The following CAMTA1 variants were observed in gnomAD, a reference collection of about 807,000 sequenced individuals.
The protein encoded by CAMTA1 is calmodulin binding transcription activator 1, also known as calmodulin-binding transcription activator 1.
A neutral mutation model predicts 170.9 loss-of-function variants in CAMTA1; 27 were observed. The observed-to-expected ratio is 0.16, with a 90% CI of 0.12 to 0.22. CAMTA1 has a LOEUF of 0.22. Ranked by LOEUF, CAMTA1 falls within the 10% of genes least tolerant of loss-of-function variation. The pLI, the probability that CAMTA1 is intolerant of heterozygous loss-of-function variation, is 1.00. For missense variants in CAMTA1, 1,619 were observed against 2,217.2 expected, an observed-to-expected ratio of 0.73 and a Z score of 5.42; for synonymous variants, 833 against 891.5, an observed-to-expected ratio of 0.93 and a Z score of 1.17.
At position 7,456,282 on chromosome 1, in the gene CAMTA1, A is replaced by C; in HGVS notation, c.439-11548A>C. ...GAAGGGGGGCAGGGAGGCAAGAAGA[A>C]TGGGAGGGAGGAAGGACAGGGAGCG... On this transcript the variant is annotated intron_variant, in intron 5 of 22. Coordinates refer to ENST00000303635, the MANE Select transcript of CAMTA1 (RefSeq NM_015215.4). This position sits in a 1 kb window ranked among gnomAD's most constrained non-coding sequence, Gnocchi z 4.9. Among the ~76,000 whole-genome samples, 1 of 147,490 alleles carries C rather than the reference A, an allele frequency of 6.8e-6. No homozygotes were observed. The highest frequency in any genetic ancestry group is 2.5e-5 in the African/African-American group (1 of 40,436).
At chr1:7,282,737 G>T (rs184921979) in intron 5 of CAMTA1, among the ~76,000 whole-genome samples, 3 of 152,288 alleles carry the variant, frequency 2.0e-5, no homozygotes, top group Admixed American at 2.0e-4. Flanking sequence ...AATAGATTGG[G>T]CAGGGGGTGG....
intron 4 of CAMTA1, among the ~76,000 whole-genome samples, chr1:7,131,358 T>C (rs566500735): frequency 6.7e-4 from 102 of 152,274 alleles, no homozygotes; most frequent in Admixed American, 3.5e-3. Context: ...TGGCATCATA[T>C]TTAAGAAGTT....
At chr1:7,117,212 C>T (rs1054751846) in intron 4 of CAMTA1, among the ~76,000 whole-genome samples, 30 of 152,116 alleles carry the variant, frequency 2.0e-4, no homozygotes, top group African/African-American at 6.5e-4. Context: ...CTCAGGTGAT[C>T]CGCCCGCCTC....
At chr1:7,688,527 G>A (rs1009204677) in intron 11 of CAMTA1, among the ~76,000 whole-genome samples, 14 of 152,278 alleles carry the variant, frequency 9.2e-5, no homozygotes, top group African/African-American at 3.4e-4. Context: ...GTCTGTGTGT[G>A]CAGCTGCCGG....
chr1:6,863,896 C>T (rs1665679266), intron 3 of CAMTA1, among the ~76,000 whole-genome samples: 1 of 152,176 alleles, frequency 6.6e-6, no homozygotes, highest in African/African-American at 2.4e-5. Flanking sequence ...TCTTCTTAGG[C>T]TCCATTAGAC....
At chr1:7,475,679 C>T (rs1222685043) in intron 6 of CAMTA1, among the ~76,000 whole-genome samples, 2 of 152,210 alleles carry the variant, frequency 1.3e-5, no homozygotes, top group African/African-American at 4.8e-5. Flanking sequence ...GTGACGGCCA[C>T]TGAGCGCTTG....
At chr1:7,697,401 C>T (rs571156315) in intron 11 of CAMTA1, among the ~76,000 whole-genome samples, 189 of 152,292 alleles carry the variant, frequency 1.2e-3, no homozygotes, top group African/African-American at 4.4e-3. Flanking sequence ...TGTGTCACAC[C>T]GCTGGGGATT....
At chr1:6,972,566 C>G (rs1692734679) in intron 3 of CAMTA1, among the ~76,000 whole-genome samples, 1 of 152,110 alleles carries the variant, frequency 6.6e-6, no homozygotes, top group Non-Finnish European at 1.5e-5. Context: ...GGTCCCTGCC[C>G]TCGGTGAGCT....
chr1:7,096,972 T>C (rs1642159650), intron 4 of CAMTA1, among the ~76,000 whole-genome samples: 1 of 152,168 alleles, frequency 6.6e-6, no homozygotes, highest in African/African-American at 2.4e-5. Flanking sequence ...CTGCTACAAC[T>C]GGGGAGCTGC....
intron 3 of CAMTA1, among the ~76,000 whole-genome samples, chr1:6,949,825 A>G (rs10746464): frequency 0.99 from 150,382 of 152,390 alleles, 74,222 homozygotes; most frequent in Middle Eastern, 1. Context: ...GGCAGTGACC[A>G]GGCCTTCTGC....
intron 5 of CAMTA1, among the ~76,000 whole-genome samples, chr1:7,312,724 C>T (rs1676921423): frequency 6.6e-6 from 1 of 152,196 alleles, no homozygotes; most frequent in Non-Finnish European, 1.5e-5. Context: ...TGGGCTGCTT[C>T]CAAAAGGGCC....
intron 5 of CAMTA1, among the ~76,000 whole-genome samples, chr1:7,342,091 C>T (rs543065297): frequency 1.3e-5 from 2 of 152,328 alleles, no homozygotes; most frequent in African/African-American, 4.8e-5. Flanking sequence ...AACTGAGGCA[C>T]ACAGCAGTTT....
At position 7,605,454 on chromosome 1, in the gene CAMTA1, A is replaced by G. The variant is rs371077107; in HGVS notation, c.511-34946A>G. ...CAGACTGCTGTGCTAGCAATGAGCG[A>G]GGCTCTGTGGGCGTAGGACCCTCTG... On this transcript the variant is annotated intron_variant, in intron 6 of 22. Coordinates refer to ENST00000303635, the MANE Select transcript of CAMTA1 (RefSeq NM_015215.4). 2.0e-5 allele frequency among the ~76,000 whole-genome samples: 3 copies of G among 152,208 alleles called. No homozygotes were observed. The East Asian group carries it at 5.8e-4, about 29-fold the overall frequency.
intron 7 of CAMTA1, among the ~76,000 whole-genome samples, chr1:7,649,115 T>C (rs1191296827): frequency 1.3e-5 from 2 of 152,230 alleles, no homozygotes; most frequent in African/African-American, 2.4e-5. Context: ...TTCCGTAGAC[T>C]CTGGGTTAAG....
At chr1:7,488,557 C>T (rs1406120235) in intron 6 of CAMTA1, among the ~76,000 whole-genome samples, 3 of 152,232 alleles carry the variant, frequency 2.0e-5, no homozygotes, top group Middle Eastern at 3.4e-3. Flanking sequence ...CATCTGTACA[C>T]ATGCATGCAC....
At chr1:7,394,227 A>T (rs1332962029) in intron 5 of CAMTA1, among the ~76,000 whole-genome samples, 2 of 152,226 alleles carry the variant, frequency 1.3e-5, no homozygotes, top group Non-Finnish European at 2.9e-5. Context: ...TTGCTGAATC[A>T]TATGGTAGTT....
At chr1:7,378,570 G>A (rs764393196) in intron 5 of CAMTA1, among the ~76,000 whole-genome samples, 14 of 152,118 alleles carry the variant, frequency 9.2e-5, no homozygotes, top group Non-Finnish European at 1.5e-4. Flanking sequence ...CACAGAAAGC[G>A]GGTGGGTGGT....
In CAMTA1 at chr1:7,606,685, C is replaced by T. The variant is rs367908019; in HGVS notation, c.511-33715C>T. Among the ~76,000 whole-genome samples, 7 of 152,288 alleles carry T rather than the reference C, an allele frequency of 4.6e-5. No individual in the cohort carries two copies. The East Asian group carries it at 9.7e-4, about 21-fold the overall frequency. The stretch of plus-strand genomic sequence containing the variant: ...AAATGTTGCATGTTCACAGCACAAG[C>T]GTGTCCTCCTCTCCAGGGGATGGGA... On this transcript the variant is annotated intron_variant, in intron 6 of 22. Coordinates refer to ENST00000303635, the MANE Select transcript of CAMTA1 (RefSeq NM_015215.4).
intron 3 of CAMTA1, among the ~76,000 whole-genome samples, chr1:6,858,290 T>C (rs753970636): frequency 1.3e-5 from 2 of 152,236 alleles, no homozygotes; most frequent in African/African-American, 2.4e-5. Context: ...CACAGTAATA[T>C]AGTTTACAGA....
Sources: gnomAD v4.1 joint callset for allele counts (sites outside exome capture counted in the v4.1 genomes callset) on GRCh38, gnomAD v4.1.1 for gene constraint, Gnocchi (gnomAD v3.1) non-coding constraint, MANE v1.5 for transcripts, NCBI Gene and HGNC (gene_info 2026-07-23, HGNC 2026-07-21) for gene names.